FAM81B: variants seen among roughly 807,000 people sequenced by gnomAD.
FAM81B encodes protein FAM81B.
Under a neutral mutation model 58.7 loss-of-function variants are expected in FAM81B, and 60 were observed. The ratio of observed to expected loss-of-function variants is 1.02; its 90% CI spans 0.83 to 1.27. The LOEUF (loss-of-function observed/expected upper bound fraction) is 1.27. Ranked by LOEUF, FAM81B falls within the 50% of genes most tolerant of loss-of-function variation. The probability of loss-of-function intolerance (pLI) is 0.00; values close to 1 mark genes in which losing one functional copy is unlikely to be tolerated. For missense variants in FAM81B, 491 were observed against 522.0 expected (o/e 0.94, Z 0.58); for synonymous variants, 189 against 179.6 (o/e 1.05, Z -0.42).
chr5:95,398,807 A>G (rs1469394), intron 3 of FAM81B, among the ~76,000 whole-genome samples: 52,163 of 152,124 alleles, frequency 0.34, 9,172 homozygotes, highest in Admixed American at 0.41. Context: ...ATTTGTCCAT[A>G]TGGACATCTA....
rs187094348 is a variant in FAM81B, at chr5:95,407,516, A to G, written c.294-6431A>G. Among the ~76,000 whole-genome samples the G allele has an allele frequency of 1.4e-3, 211 of 152,314 alleles. 1 individual carries two copies. Among genetic ancestry groups the G allele is most frequent in the Middle Eastern group, 0.01 (3 of 294 alleles). ...TCAACCACCATTTACTTCTCTGATA[A>G]CATCCAAATCTCTGTCTTCAGACAC... On this transcript the variant is annotated intron_variant, in intron 3 of 9. Coordinates refer to ENST00000283357, the MANE Select transcript of FAM81B (RefSeq NM_152548.3).
rs185301357 is a variant in FAM81B at position 95,450,358 on chromosome 5, A to G, written c.*76A>G. On this transcript the variant is annotated 3_prime_UTR_variant, in exon 10 of 10. Coordinates refer to ENST00000283357, the MANE Select transcript of FAM81B (RefSeq NM_152548.3). The stretch of plus-strand genomic sequence containing the variant: ...AAAAGTTCTGAAGAAGAAAGTTACT[A>G]TCTCTGGGATGTTTACTGCTTCTAA... 6.3e-7 allele frequency: 1 copy of G among 1,580,834 alleles called. No homozygotes were observed. The highest frequency in any genetic ancestry group is 8.6e-7 in the Non-Finnish European group (1 of 1,169,376).
chr5:95,402,823 C>A (rs909772205), intron 3 of FAM81B, among the ~76,000 whole-genome samples: 39 of 152,224 alleles, frequency 2.6e-4, no homozygotes, highest in African/African-American at 9.2e-4. Flanking sequence ...GGTTTCACCA[C>A]CCTCTCTACT....
chr5:95,420,630 G>A (rs1027709976), intron 5 of FAM81B, among the ~76,000 whole-genome samples: 3 of 152,186 alleles, frequency 2.0e-5, no homozygotes, highest in African/African-American at 4.8e-5. Context: ...CAATGGAAGC[G>A]ACCAAAGTTC....
At chr5:95,393,922 A>G (rs1204512666) in intron 2 of FAM81B, among the ~76,000 whole-genome samples, 2 of 152,236 alleles carry the variant, frequency 1.3e-5, no homozygotes, top group Non-Finnish European at 2.9e-5. Flanking sequence ...GACAGTTTTT[A>G]TATATAATAA....
intron 3 of FAM81B, among the ~76,000 whole-genome samples, chr5:95,398,441 A>AATAT (rs1409498160): frequency 6.2e-5 from 8 of 130,036 alleles, no homozygotes; most frequent in Non-Finnish European, 1.4e-4. Flanking sequence ...TAAATAAATA[A>AATAT]ATAAATAAAT....
intron 3 of FAM81B, among the ~76,000 whole-genome samples, chr5:95,407,489 C>G: frequency 6.6e-6 from 1 of 152,196 alleles, no homozygotes; most frequent in East Asian, 1.9e-4. Context: ...TCACCTAAGT[C>G]TTCAACCACC....
At chr5:95,415,052 A>G (rs1022984094) in intron 4 of FAM81B, among the ~76,000 whole-genome samples, 3 of 152,192 alleles carry the variant, frequency 2.0e-5, no homozygotes, top group African/African-American at 4.8e-5. Flanking sequence ...GAATGAATAA[A>G]TTAATTAATT....
intron 6 of FAM81B, among the ~76,000 whole-genome samples, chr5:95,436,169 T>C (rs1745091776): frequency 6.6e-6 from 1 of 152,218 alleles, no homozygotes; most frequent in African/African-American, 2.4e-5. Flanking sequence ...TTTCTCAATG[T>C]TTCTGGCAGT....
intron 4 of FAM81B, 111 bp from the exon 5 acceptor site, chr5:95,420,173 C>T: frequency 7.5e-7 from 1 of 1,325,872 alleles, no homozygotes; most frequent in South Asian, 1.3e-5. Flanking sequence ...CACTCATGCA[C>T]ACCATCAGCC....
intron 4 of FAM81B, among the ~76,000 whole-genome samples, chr5:95,415,689 G>T (rs1363430): frequency 0.48 from 72,878 of 151,830 alleles, 17,919 homozygotes; most frequent in East Asian, 0.72. Flanking sequence ...TTCCAATTTA[G>T]GAGTCAAAAC....
chr5:95,448,644 A>C, intron 9 of FAM81B, 180 bp downstream of exon 9: 2 of 672,198 alleles, frequency 3.0e-6, no homozygotes, highest in South Asian at 1.9e-5. Context: ...GCATATAAAT[A>C]AATTAACTTT....
At chr5:95,424,721 A>G (rs1456316509) in intron 5 of FAM81B, among the ~76,000 whole-genome samples, 11 of 152,250 alleles carry the variant, frequency 7.2e-5, no homozygotes, top group Admixed American at 7.2e-4. Context: ...GGCCCTTGCC[A>G]CTAGGGAGAG....
In FAM81B at chr5:95,424,286, A is replaced by G. The variant is rs1420446288; in HGVS notation, c.656+3884A>G. 3.3e-6 allele frequency: 4 copies of G among 1,197,534 alleles called. No individual in the cohort carries two copies. The Admixed American group carries it at 9.2e-5, about 28-fold the overall frequency. 74.2% of individuals were successfully genotyped at this position (1,197,534 alleles called of 1,614,324 possible). On this transcript the variant is annotated intron_variant, in intron 5 of 9. Transcript: ENST00000283357. Reference sequence around the variant, plus strand: ...TCATCCCCAGATAGACAGAAGACAGACAGATAGATGATAGACAGACAGACA... The same window carrying G: ...TCATCCCCAGATAGACAGAAGACAGGCAGATAGATGATAGACAGACAGACA...
intron 5 of FAM81B, among the ~76,000 whole-genome samples, chr5:95,423,491 C>T (rs1297617101): frequency 3.5e-5 from 5 of 144,552 alleles, no homozygotes; most frequent in South Asian, 2.1e-4. Flanking sequence ...CAGTCAGAGG[C>T]GAACTCTCTA....
At chr5:95,427,277 G>A (rs1762870862) in intron 5 of FAM81B, among the ~76,000 whole-genome samples, 1 of 152,118 alleles carries the variant, frequency 6.6e-6, no homozygotes, top group Non-Finnish European at 1.5e-5. Flanking sequence ...CTCACATCAG[G>A]ACATTCTAAC....
At chr5:95,412,266 A>C (rs1027049891) in intron 3 of FAM81B, among the ~76,000 whole-genome samples, 3 of 152,180 alleles carry the variant, frequency 2.0e-5, no homozygotes, top group Non-Finnish European at 4.4e-5. Flanking sequence ...AGCAATCCCT[A>C]TTAAATATTT....
intron 3 of FAM81B, chr5:95,396,900 C>A (rs1051013495): frequency 6.6e-6 from 1 of 152,128 alleles, no homozygotes. Context: ...TGTCTCTGGG[C>A]TTTAGTTTTT....
At chr5:95,407,176 G>T (rs1277933957) in intron 3 of FAM81B, among the ~76,000 whole-genome samples, 1 of 152,074 alleles carries the variant, frequency 6.6e-6, no homozygotes, top group African/African-American at 2.4e-5. Flanking sequence ...TATGTGGGAT[G>T]GGGTAGGAGC....
Sources: gnomAD v4.1 joint callset for allele counts (sites outside exome capture counted in the v4.1 genomes callset) on GRCh38, gnomAD v4.1.1 for gene constraint, MANE v1.5 for transcripts, NCBI Gene and HGNC (gene_info 2026-07-23, HGNC 2026-07-21) for gene names.